Variants in PRH1 observed in about 807,000 individuals in gnomAD.
The protein encoded by PRH1 is proline rich protein HaeIII subfamily 1, also known as salivary acidic proline-rich phosphoprotein 1/2.
A neutral mutation model predicts 7.9 loss-of-function variants in PRH1; 7 were observed. That is an observed-to-expected ratio of 0.89 (90% CI 0.50 to 1.67). PRH1 has a LOEUF of 1.67. Ranked by LOEUF, PRH1 falls within the 40% of genes most tolerant of loss-of-function variation. The probability of loss-of-function intolerance (pLI) is 0.00; values close to 1 mark genes in which losing one functional copy is unlikely to be tolerated. For synonymous variants in PRH1, 45 were observed against 80.8 expected (o/e 0.56, Z 2.38); for missense variants, 109 against 223.6 (o/e 0.49, Z 3.27).
chr12:10,987,511 T>A (rs760052778), intron 1 of PRH1, among the ~76,000 whole-genome samples: 18 of 151,864 alleles, frequency 1.2e-4, no homozygotes, highest in Non-Finnish European at 2.4e-4. Context: ...AATTTATTGT[T>A]ACCATGTTCA....
intron 1 of PRH1, chr12:11,133,854 C>T: frequency 6.2e-7 from 1 of 1,614,116 alleles, no homozygotes; most frequent in South Asian, 1.1e-5. Flanking sequence ...AACAGTATCA[C>T]CAGAACAACA....
intron 1 of PRH1, among the ~76,000 whole-genome samples, chr12:11,098,750 C>A (rs1311325374): frequency 2.0e-5 from 3 of 152,144 alleles, no homozygotes; most frequent in Non-Finnish European, 2.9e-5. Context: ...CACAGGCAGG[C>A]CAATACTCCA....
chr12:11,047,178 TGCTGGAGAACCTA>T (rs1299424019), exon 1 of PRH1: 1 of 392,778 alleles, frequency 2.5e-6, no homozygotes, highest in African/African-American at 2.1e-5. Context: ...TTGAGCCAAA[TGCTGGAGAACCTA>T]TGTCAAGAAA....
rs549748226 is a variant in PRH1, at chr12:10,901,126, G to A, written c.-58-16851C>T. Among the ~76,000 whole-genome samples the A allele has an allele frequency of 1.2e-4, 18 of 152,184 alleles. No homozygotes were observed. In the South Asian group the frequency reaches 1.9e-3, roughly 16 times the overall value. On this transcript the variant is annotated intron_variant, in intron 2 of 3. Coordinates refer to the PRH1 transcript ENST00000539853. ...CAACCTGTGCTGCCTCACCCTTCCC[G>A]TTCACAGATCCATGTACTGGGCTGA...
downstream of PRH1, among the ~76,000 whole-genome samples, chr12:11,119,729 T>C (rs1353417981): frequency 6.6e-6 from 1 of 152,230 alleles, no homozygotes; most frequent in African/African-American, 2.4e-5. Flanking sequence ...ACAGTAATTA[T>C]TTTCTGTAGC....
In PRH1 at chr12:11,033,554, G is replaced by A. The variant is rs188458123; in HGVS notation, c.-126+13466C>T. On this transcript the variant is annotated intron_variant, in intron 1 of 3. Transcript: ENST00000539853. Reference sequence around the variant, plus strand: ...TTGTTGTGTCAGGAATTCAGGAGCCGAAAGAAAAAATAGATGGGGAATGGC... The same window carrying A: ...TTGTTGTGTCAGGAATTCAGGAGCCAAAAGAAAAAATAGATGGGGAATGGC... Among the ~76,000 whole-genome samples the A allele has an allele frequency of 3.9e-3, 598 of 152,174 alleles. 1 individual carries two copies. The highest frequency in any genetic ancestry group is 6.8e-3 in the Middle Eastern group (2 of 294).
At chr12:11,024,216 T>A (rs938222566) in intron 1 of PRH1, among the ~76,000 whole-genome samples, 2 of 152,244 alleles carry the variant, frequency 1.3e-5, no homozygotes, top group Admixed American at 6.5e-5. Flanking sequence ...TCATGGACCA[T>A]TTCTCCTAAT....
chr12:11,019,081 G>A (rs1229731520), intron 1 of PRH1, among the ~76,000 whole-genome samples: 1 of 152,284 alleles, frequency 6.6e-6, no homozygotes, highest in African/African-American at 2.4e-5. Context: ...CCAAGGGGTT[G>A]GATAATGTAA....
intron 2 of PRH1, among the ~76,000 whole-genome samples, chr12:10,893,771 T>C (rs1347421006): frequency 6.6e-6 from 1 of 152,226 alleles, no homozygotes; most frequent in Non-Finnish European, 1.5e-5. Flanking sequence ...TTGTCTTTTG[T>C]CTTTACTGCT....
At position 11,043,687 on chromosome 12, in the gene PRH1, C is replaced by A. The variant is rs564591039; in HGVS notation, c.-126+3333G>T. 1.3e-4 allele frequency among the ~76,000 whole-genome samples: 20 copies of A among 152,162 alleles called. No homozygotes were observed. In the South Asian group the frequency reaches 3.7e-3, roughly 28 times the overall value. Reference sequence around the variant, plus strand: ...ACAAAATCAAAAAATTAATCCCACTCACAAAAGCCACACATAAAATTAAAT... The same window carrying A: ...ACAAAATCAAAAAATTAATCCCACTAACAAAAGCCACACATAAAATTAAAT... On this transcript the variant is annotated intron_variant, in intron 1 of 3. Transcript: ENST00000539853.
intron 2 of PRH1, among the ~76,000 whole-genome samples, chr12:10,972,928 A>ACCCCCCCCCCCCCCCCCCCCCACC (rs199859766): frequency 1.0e-5 from 1 of 100,326 alleles, no homozygotes; most frequent in Non-Finnish European, 2.1e-5. Context: ...AAGCACCACA[A>ACCCCCCCCCCCCCCCCCCCCCACC]CCCACCCCCC....
chr12:11,131,708 T>C (rs1391695664), intron 1 of PRH1, among the ~76,000 whole-genome samples: 1 of 152,268 alleles, frequency 6.6e-6, no homozygotes, highest in Non-Finnish European at 1.5e-5. Flanking sequence ...TATATTATTG[T>C]GATATTTCCC....
Position 11,031,507 on chromosome 12 carries a change from T to C in PRH1, c.-126+15513A>G, listed in dbSNP as rs902892017. On this transcript the variant is annotated intron_variant, in intron 1 of 3. Transcript: ENST00000539853. ...CCAAAGAGTGAGCAACAGCAAGGTTTATTGAGAAGAGAGAAAGGACAAAGC... is the reference window on the plus strand; with the variant it reads ...CCAAAGAGTGAGCAACAGCAAGGTTCATTGAGAAGAGAGAAAGGACAAAGC... 299 of 686,082 alleles carry C rather than the reference T, an allele frequency of 4.4e-4. 1 individual carries two copies. Among genetic ancestry groups the C allele is most frequent in the Non-Finnish European group, 6.3e-4 (280 of 447,514 alleles). 42.5% of individuals were successfully genotyped at this position (686,082 alleles called of 1,614,324 possible).
downstream of PRH1, among the ~76,000 whole-genome samples, chr12:11,117,579 A>G (rs978036111): frequency 2.0e-5 from 3 of 152,146 alleles, no homozygotes; most frequent in Non-Finnish European, 2.9e-5. Flanking sequence ...AAATTTATAT[A>G]GAGCCACAAC....
intron 1 of PRH1, chr12:11,092,008 A>G: frequency 6.9e-7 from 1 of 1,453,588 alleles, no homozygotes; most frequent in East Asian, 2.3e-5. Context: ...CACTATTAAA[A>G]GCTGGATTCA....
intron 1 of PRH1, among the ~76,000 whole-genome samples, chr12:11,138,051 A>C (rs866455534): frequency 2.6e-5 from 4 of 152,130 alleles, no homozygotes; most frequent in Admixed American, 6.5e-5. Context: ...AAACCAATGT[A>C]TTTTCAATGA....
intron 1 of PRH1, chr12:11,134,637 T>C (rs1183285264): frequency 5.3e-6 from 1 of 190,342 alleles, no homozygotes; most frequent in Non-Finnish European, 1.1e-5. Flanking sequence ...TCATTTGTCT[T>C]TAGCGACTTC....
intron 1 of PRH1, among the ~76,000 whole-genome samples, chr12:11,067,659 C>G (rs927940762): frequency 6.6e-6 from 1 of 152,136 alleles, no homozygotes; most frequent in Admixed American, 6.5e-5. Flanking sequence ...CACAGGAGTT[C>G]AAGTCCAGCC....
intron 1 of PRH1, among the ~76,000 whole-genome samples, chr12:11,014,066 G>T (rs1466359304): frequency 6.6e-6 from 1 of 152,112 alleles, no homozygotes; most frequent in Admixed American, 6.6e-5. Context: ...GACATTTGAA[G>T]GAAAAATATT....
Sources: gnomAD v4.1 joint callset for allele counts (sites outside exome capture counted in the v4.1 genomes callset) on GRCh38, gnomAD v4.1.1 for gene constraint, MANE v1.5 for transcripts, NCBI Gene and HGNC (gene_info 2026-07-23, HGNC 2026-07-21) for gene names.